Variants in DMD observed in about 807,000 individuals in gnomAD.
The protein encoded by DMD is mutant dystrophin.
DMD carries 63 observed loss-of-function variants against 330.1 expected under a neutral mutation model. The observed-to-expected ratio is 0.19, with a 90% confidence interval of 0.16 to 0.24. The LOEUF (loss-of-function observed/expected upper bound fraction) is 0.24. Among genes scored for constraint, DMD ranks in the 10% least tolerant of loss-of-function variants. The pLI is 1.00. For synonymous variants in DMD, 1,223 were observed against 959.8 expected, an observed-to-expected ratio of 1.27 and a Z score of -5.07; for missense variants, 3,344 against 2,684.1, an observed-to-expected ratio of 1.25 and a Z score of -5.43.
intron 75 of DMD, 67 bp from the exon 76 acceptor site, chrX:31,146,481 T>C (rs889516926): frequency 1.4e-5 from 15 of 1,086,807 alleles, no homozygotes; most frequent in Admixed American, 7.2e-5. Flanking sequence ...AATTTCAAAA[T>C]ATGATACACA....
intron 9 of DMD, among the ~76,000 whole-genome samples, chrX:32,660,080 G>T (rs945035935): frequency 3.6e-5 from 4 of 111,275 alleles, no homozygotes; most frequent in African/African-American, 1.3e-4. Context: ...TTCAGGGTCT[G>T]TATCTCTGTG....
At position 32,491,437 on chromosome X, in the gene DMD, T is replaced by C. The variant is rs1420714074; in HGVS notation, c.2462A>G (p.Glu821Gly). 8.3e-7 allele frequency: 1 copy of C among 1,211,200 alleles called. No homozygotes were observed. Among genetic ancestry groups the C allele is most frequent in the Admixed American group, 2.2e-5 (1 of 46,015 alleles). The stretch of plus-strand genomic sequence containing the variant: ...CTGATACTCCAGCCAGTTAAGTCTC[T>C]CACTTAGCAACTGGCAGAATTCGAT... ...RWIEFCQLLS[E>G]RLNWLEYQNN... is the part of the protein sequence containing the mutation. The change falls in exon 20 of 79, where the codon GAG becomes GGG. Residue 821 changes from glutamate to glycine, a missense_variant. By Grantham distance (98) the Glu-to-Gly change is moderately conservative. Transcript: ENST00000357033.
chrX:33,335,674 T>C (rs2054242152), intron 1 of DMD, among the ~76,000 whole-genome samples: 1 of 110,927 alleles, frequency 9.0e-6, no homozygotes, highest in Admixed American at 9.6e-5. Flanking sequence ...TGGACATTAA[T>C]ATTTCACAGG....
chrX:32,443,859 A>T (rs998185407), intron 27 of DMD, among the ~76,000 whole-genome samples: 2 of 111,750 alleles, frequency 1.8e-5, no homozygotes, highest in Non-Finnish European at 3.8e-5. Flanking sequence ...TCTGTTCAAA[A>T]TAGTAGATGG....
intron 1 of DMD, among the ~76,000 whole-genome samples, chrX:33,327,801 T>C (rs2054110455): frequency 9.0e-6 from 1 of 111,536 alleles, no homozygotes; most frequent in African/African-American, 3.3e-5. Context: ...CTGGTTCTGA[T>C]TAGAGCTGTT....
At chrX:31,201,354 C>T (rs1039770818) in intron 67 of DMD, among the ~76,000 whole-genome samples, 5 of 112,364 alleles carry the variant, frequency 4.4e-5, no homozygotes, top group African/African-American at 1.6e-4. Flanking sequence ...GCCTGGGTGA[C>T]GAAGTTAGAC....
chrX:32,714,798 T>A (rs772158715), intron 7 of DMD, among the ~76,000 whole-genome samples: 35 of 112,171 alleles, frequency 3.1e-4, no homozygotes, highest in African/African-American at 1.1e-3. Context: ...CTACATAGAT[T>A]TTGGAACTTC....
In DMD at chrX:32,705,122, A is replaced by G. The variant is rs750721809; in HGVS notation, c.650-5829T>C. Among the ~76,000 whole-genome samples the G allele has an allele frequency of 2.1e-4, 24 of 112,283 alleles. No individual in the cohort carries two copies. The East Asian group carries it at 4.2e-3, about 20-fold the overall frequency. On this transcript the variant is annotated intron_variant, in intron 7 of 78. Transcript: ENST00000357033. ...ATGTATTCTCTACTTACAAGTCACT[A>G]TATACAATAGATATACAACATTTTA...
At chrX:32,192,795 C>T (rs1292078026) in intron 44 of DMD, among the ~76,000 whole-genome samples, 3 of 111,459 alleles carry the variant, frequency 2.7e-5, no homozygotes, top group African/African-American at 6.5e-5. Flanking sequence ...AGGCTGTTCT[C>T]GGAATGGAGC....
At position 32,069,604 on chromosome X, in the gene DMD, G is replaced by T. The variant is rs529138312; in HGVS notation, c.6439-101090C>A. 5.4e-5 allele frequency among the ~76,000 whole-genome samples: 6 copies of T among 111,787 alleles called. No homozygotes were observed. In the South Asian group the frequency reaches 2.2e-3, roughly 41 times the overall value. On this transcript the variant is annotated intron_variant, in intron 44 of 78. Coordinates refer to ENST00000357033, the MANE Select transcript of DMD (RefSeq NM_004006.3). ...TCTTTTTTCATTTGAAGCAGTAAAA[G>T]AAATTTCAATGAAGCATTTTAAGTA...
upstream of DMD, among the ~76,000 whole-genome samples, chrX:33,212,102 A>G (rs914755643): frequency 2.7e-5 from 3 of 112,440 alleles, no homozygotes; most frequent in African/African-American, 9.7e-5. Context: ...TGAAGGCAGA[A>G]TGTGTGTGTG....
chrX:31,385,549 CA>C, intron 60 of DMD, among the ~76,000 whole-genome samples: 1 of 111,952 alleles, frequency 8.9e-6, no homozygotes, highest in Middle Eastern at 4.6e-3. Context: ...TTTGTAGGTA[CA>C]CATTAAGCGT....
intron 26 of DMD, among the ~76,000 whole-genome samples, chrX:32,450,498 C>T (rs928179794): frequency 9.0e-5 from 10 of 110,721 alleles, no homozygotes; most frequent in African/African-American, 2.9e-4. Flanking sequence ...GTATAATCAA[C>T]AAGTTTGATT....
chrX:32,307,631 G>C (rs940346554), intron 42 of DMD, among the ~76,000 whole-genome samples: 4 of 111,443 alleles, frequency 3.6e-5, no homozygotes, highest in Non-Finnish European at 7.6e-5. Flanking sequence ...TTTCAGTTAA[G>C]TCTTTTAAGT....
intron 9 of DMD, among the ~76,000 whole-genome samples, chrX:32,652,202 T>G (rs1478301234): frequency 9.1e-6 from 1 of 110,430 alleles, no homozygotes; most frequent in African/African-American, 3.3e-5. Flanking sequence ...TTGTTACATA[T>G]GTATACATGT....
At chrX:32,721,398 C>G (rs1056892813) in intron 7 of DMD, among the ~76,000 whole-genome samples, 1 of 109,979 alleles carries the variant, frequency 9.1e-6, no homozygotes, top group African/African-American at 3.3e-5. Flanking sequence ...TAATACTCAT[C>G]CTAACAGGTA....
At chrX:32,799,154 A>T (rs1012792933) in intron 7 of DMD, among the ~76,000 whole-genome samples, 7 of 111,637 alleles carry the variant, frequency 6.3e-5, no homozygotes, top group Admixed American at 4.8e-4. Flanking sequence ...TCCAACAGGC[A>T]GAGCTAATTC....
chrX:31,821,514 G>A (rs2092759497), intron 49 of DMD, among the ~76,000 whole-genome samples: 1 of 111,816 alleles, frequency 8.9e-6, no homozygotes, highest in Admixed American at 9.5e-5. Flanking sequence ...AGCTACCAAG[G>A]GAATGGCAGG....
At chrX:32,141,820 G>C (rs1290514588) in intron 44 of DMD, among the ~76,000 whole-genome samples, 1 of 110,189 alleles carries the variant, frequency 9.1e-6, no homozygotes, top group Non-Finnish European at 1.9e-5. Flanking sequence ...AGAAATGATG[G>C]GCCTTGGGGC....
Sources: allele counts gnomAD v4.1 joint callset (sites outside exome capture counted in the v4.1 genomes callset), GRCh38; gene constraint gnomAD v4.1.1; transcripts MANE v1.5; gene names NCBI Gene and HGNC (gene_info 2026-07-23, HGNC 2026-07-21).